Variants in GPR157 observed in about 807,000 individuals in gnomAD.
The protein encoded by GPR157 is G-protein coupled receptor 157.
Under a neutral mutation model 23.5 loss-of-function variants are expected in GPR157, and 16 were observed. That is an observed-to-expected ratio of 0.68 (90% CI 0.46 to 1.04). The LOEUF (loss-of-function observed/expected upper bound fraction) is 1.04. Ranked by LOEUF, GPR157 falls within the 50% of genes least tolerant of loss-of-function variation. GPR157 has a pLI of 0.00. For missense variants in GPR157, 440 were observed against 460.7 expected (o/e 0.96, Z 0.41); for synonymous variants, 200 against 221.5 (o/e 0.90, Z 0.86).
At position 9,104,142 on chromosome 1, in the gene GPR157, C is replaced by A. The variant is rs1235063457; in HGVS notation, c.*277G>T. The A allele has an allele frequency of 2.3e-6, 1 of 441,420 alleles. No individual in the cohort carries two copies. Among genetic ancestry groups the A allele is most frequent in the East Asian group, 4.0e-5 (1 of 25,092 alleles). The allele number at this position is 441,420 out of a possible 1,614,324, so 27.3% of individuals were successfully genotyped here. A position where few individuals can be genotyped will look rare whatever the true frequency, so the allele number is the denominator to read the frequency against. ...CTGGGTGGGGGCACTGTGGCCACAG[C>A]TGTGGGCCACCGGCTTCCCGAATCT... On this transcript the variant is annotated 3_prime_UTR_variant, in exon 4 of 4. Transcript: ENST00000377411.
In GPR157 at chr1:9,105,728, G is replaced by T; in HGVS notation, c.598-48C>A. The T allele has an allele frequency of 1.3e-6, 2 of 1,505,420 alleles. No individual in the cohort carries two copies. Among genetic ancestry groups the T allele is most frequent in the Non-Finnish European group, 1.8e-6 (2 of 1,111,146 alleles). 93.3% of individuals were successfully genotyped at this position (1,505,420 alleles called of 1,614,324 possible). ...GACTTGAGTGGATAGGCACCCTCCC[G>T]CCACGTCCACCCAGGCTGCCCAGGT... On this transcript the variant is annotated intron_variant, in intron 2 of 3. Coordinates refer to ENST00000377411, the MANE Select transcript of GPR157 (RefSeq NM_024980.5). The surrounding 1 kb of genome is among the most constrained non-coding windows in gnomAD (Gnocchi z 4.8).
Position 9,128,953 on chromosome 1 carries a change from G to T in GPR157, c.75C>A (p.Ser25=). The T allele has an allele frequency of 4.7e-6, 7 of 1,500,674 alleles. No individual in the cohort carries two copies. Among genetic ancestry groups the T allele is most frequent in the Non-Finnish European group, 5.3e-6 (6 of 1,127,076 alleles). The allele number at this position is 1,500,674 out of a possible 1,614,324, so 93.0% of individuals were successfully genotyped here. A position where few individuals can be genotyped will look rare whatever the true frequency, so the allele number is the denominator to read the frequency against. ...CCACCAGCAGGCCCGAGCCGAGCGC[G>T]GAGAGTGCGCACGACAGCAGCACCA... The part of the protein sequence containing the change: ...RAVVLLSCAL[S]ALGSGLLVAT... Residue 25 remains serine (S), a synonymous_variant, in exon 1 of 4, where the codon TCC becomes TCA. Coordinates refer to ENST00000377411, the MANE Select transcript of GPR157 (RefSeq NM_024980.5). This position sits in a 1 kb window ranked among gnomAD's most constrained non-coding sequence, Gnocchi z 6.3.
rs1557703133 is a variant in GPR157 at position 9,128,610 on chromosome 1, G to A, written c.383+35C>T. ...GACCGGGAGGGGTCGGCCTGTGTCG[G>A]GGGCTCCTGGAAAAGCAGCGCCACC... On this transcript the variant is annotated intron_variant, in intron 1 of 3. Transcript: ENST00000377411. The surrounding 1 kb of genome is among the most constrained non-coding windows in gnomAD (Gnocchi z 6.3). 3.1e-6 allele frequency: 5 copies of A among 1,602,286 alleles called. No individual in the cohort carries two copies. The highest frequency in any genetic ancestry group is 4.3e-6 in the Non-Finnish European group (5 of 1,172,052).
chr1:9,111,316 GGCA>G lies in GPR157; in HGVS notation c.554_556del (p.Leu185del). The G allele has an allele frequency of 6.2e-7, 1 of 1,614,230 alleles. No homozygotes were observed. The highest frequency in any genetic ancestry group is 2.2e-5 in the East Asian group (1 of 44,884). ...CTTCCGGACCAGGAGGTACAGCAGA[GGCA>G]GCAGCACATATGCCAGCATCTCCCA... On this transcript the variant is annotated inframe_deletion, in exon 2 of 4. Coordinates refer to ENST00000377411, the MANE Select transcript of GPR157 (RefSeq NM_024980.5).
chr1:9,109,952 G>A (rs1421060151), intron 2 of GPR157, among the ~76,000 whole-genome samples: 2 of 152,032 alleles, frequency 1.3e-5, no homozygotes, highest in Non-Finnish European at 2.9e-5. Context: ...TACAAGATGG[G>A]TACACACCCT....
Position 9,101,833 on chromosome 1 carries a change from G to A in GPR157, c.*2586C>T, listed in dbSNP as rs1642569901. ...GCTCCAGAGGCCCCTGCTGAGCAGGGTTGATCCTAACACTATTCCTCTGTG... is the reference window on the plus strand; with the variant it reads ...GCTCCAGAGGCCCCTGCTGAGCAGGATTGATCCTAACACTATTCCTCTGTG... On this transcript the variant is annotated 3_prime_UTR_variant, in exon 4 of 4. Coordinates refer to ENST00000377411, the MANE Select transcript of GPR157 (RefSeq NM_024980.5). 1 of 152,190 alleles carries A rather than the reference G, an allele frequency of 6.6e-6. No individual in the cohort carries two copies. Among genetic ancestry groups the A allele is most frequent in the African/African-American group, 2.4e-5 (1 of 41,452 alleles). The allele number at this position is 152,190 out of a possible 1,614,324, so 9.4% of individuals were successfully genotyped here. A position where few individuals can be genotyped will look rare whatever the true frequency, so the allele number is the denominator to read the frequency against.
chr1:9,103,847 C>G lies in GPR157; in HGVS notation c.*572G>C, dbSNP rs1225530368. On this transcript the variant is annotated 3_prime_UTR_variant, in exon 4 of 4. Transcript: ENST00000377411. ...GAGCAGCTGCGCCGGGCTGTGCTTG[C>G]CCCTGGTGGTCACCATGCAACCTCA... 3 of 152,850 alleles carry G rather than the reference C, an allele frequency of 2.0e-5. No individual in the cohort carries two copies. Among genetic ancestry groups the G allele is most frequent in the Non-Finnish European group, 4.4e-5 (3 of 68,512 alleles). 9.5% of individuals were successfully genotyped at this position (152,850 alleles called of 1,614,324 possible). A position where few individuals can be genotyped will look rare whatever the true frequency, so the allele number is the denominator to read the frequency against.
Position 9,128,872 on chromosome 1 carries a change from G to A in GPR157, c.156C>T (p.Phe52=), listed in dbSNP as rs1450096762. 5 of 1,574,568 alleles carry A rather than the reference G, an allele frequency of 3.2e-6. No individual in the cohort carries two copies. Among genetic ancestry groups the A allele is most frequent in the African/African-American group, 1.4e-5 (1 of 74,040 alleles). Residue 52 remains phenylalanine (F), a synonymous_variant, in exon 1 of 4, where the codon TTC becomes TTT. Coordinates refer to ENST00000377411, the MANE Select transcript of GPR157 (RefSeq NM_024980.5). The surrounding 1 kb of genome is among the most constrained non-coding windows in gnomAD (Gnocchi z 6.3). ...CCGAGAGCAGGTCGGCCAGCGACAG[G>A]AAGAGCAGCAGGCGCCGTGCCCGGC... ...LRSRARRLLL[F]LSLADLLSAA... is the part of the protein sequence containing the mutation.
intron 2 of GPR157, among the ~76,000 whole-genome samples, chr1:9,110,646 C>T (rs144730123): frequency 5.9e-5 from 9 of 152,304 alleles, no homozygotes; most frequent in African/African-American, 2.2e-4. Flanking sequence ...GCCCCTAGTT[C>T]CACATGTGCA....
chr1:9,119,599 G>A (rs1000009881), intron 1 of GPR157, among the ~76,000 whole-genome samples: 5 of 152,240 alleles, frequency 3.3e-5, no homozygotes, highest in African/African-American at 7.2e-5. Context: ...CAGACTAGGC[G>A]GGAGAGACAT....
intron 1 of GPR157, among the ~76,000 whole-genome samples, chr1:9,112,350 G>T (rs1443801462): frequency 1.3e-5 from 2 of 152,220 alleles, no homozygotes; most frequent in African/African-American, 4.8e-5. Flanking sequence ...CTTTGGCCTT[G>T]AGGACTTCTT....
rs545886220 is a variant in GPR157 at position 9,122,873 on chromosome 1, A to T, written c.383+5772T>A. Among the ~76,000 whole-genome samples the T allele has an allele frequency of 2.0e-5, 3 of 152,092 alleles. No individual in the cohort carries two copies. The South Asian group carries it at 6.2e-4, about 32-fold the overall frequency. On this transcript the variant is annotated intron_variant, in intron 1 of 3. Coordinates refer to ENST00000377411, the MANE Select transcript of GPR157 (RefSeq NM_024980.5). ...TAGTCCACGGACAAAAATCTCAATA[A>T]AGGCCAGCTGCGGTGGCTCACACCT...
intron 2 of GPR157, chr1:9,111,043 G>T: frequency 3.4e-6 from 2 of 590,460 alleles, no homozygotes; most frequent in Non-Finnish European, 6.2e-6. Flanking sequence ...ATCTACAAAG[G>T]AGTAACAGGA....
chr1:9,110,879 G>A (rs1462290603), intron 2 of GPR157, among the ~76,000 whole-genome samples: 2 of 151,730 alleles, frequency 1.3e-5, no homozygotes, highest in East Asian at 1.9e-4. Context: ...CCTTGGGTCT[G>A]TCCTCACCTT....
At chr1:9,127,149 G>A (rs893544547) in intron 1 of GPR157, among the ~76,000 whole-genome samples, 22 of 152,020 alleles carry the variant, frequency 1.4e-4, no homozygotes, top group African/African-American at 5.1e-4. Context: ...AAAGTGCTGG[G>A]ATTACGGGTA....
intron 2 of GPR157, among the ~76,000 whole-genome samples, chr1:9,109,963 C>A (rs138935428): frequency 6.6e-6 from 1 of 152,098 alleles, no homozygotes; most frequent in Non-Finnish European, 1.5e-5. Flanking sequence ...TACACACCCT[C>A]CTACAATTTC....
In GPR157 at chr1:9,105,783, G is replaced by A; in HGVS notation, c.598-103C>T. 2 of 953,166 alleles carry A rather than the reference G, an allele frequency of 2.1e-6. No individual in the cohort carries two copies. Among genetic ancestry groups the A allele is most frequent in the Non-Finnish European group, 3.1e-6 (2 of 637,862 alleles). 59.0% of individuals were successfully genotyped at this position (953,166 alleles called of 1,614,324 possible). The stretch of plus-strand genomic sequence containing the variant: ...CCAGGGACTTGAACTAGCTCAGGGA[G>A]GTAGGGGAGATGTGTGGTGGAGCCC... On this transcript the variant is annotated intron_variant, in intron 2 of 3. Coordinates refer to ENST00000377411, the MANE Select transcript of GPR157 (RefSeq NM_024980.5). The surrounding 1 kb of genome is among the most constrained non-coding windows in gnomAD (Gnocchi z 4.8).
Position 9,118,538 on chromosome 1 carries a change from G to A in GPR157, c.384-7049C>T, listed in dbSNP as rs1157310777. Among the ~76,000 whole-genome samples, 3 of 152,168 alleles carry A rather than the reference G, an allele frequency of 2.0e-5. No homozygotes were observed. The East Asian group carries it at 5.8e-4, about 29-fold the overall frequency. ...TTCCAACTTGTATTTGCCTAGAAAT[G>A]AAAGCCAGACTCCAAGTCGGCTTCC... On this transcript the variant is annotated intron_variant, in intron 1 of 3. Coordinates refer to ENST00000377411, the MANE Select transcript of GPR157 (RefSeq NM_024980.5). The surrounding 1 kb of genome is among the most constrained non-coding windows in gnomAD (Gnocchi z 4.6).
At chr1:9,107,129 C>A (rs544225046) in intron 2 of GPR157, among the ~76,000 whole-genome samples, 2 of 152,140 alleles carry the variant, frequency 1.3e-5, no homozygotes, top group Non-Finnish European at 2.9e-5. Context: ...TGCTTATCAT[C>A]GTCCTCCCCT....
Sources: gnomAD v4.1 joint callset for allele counts (sites outside exome capture counted in the v4.1 genomes callset) on GRCh38, gnomAD v4.1.1 for gene constraint, Gnocchi (gnomAD v3.1) non-coding constraint, MANE v1.5 for transcripts, NCBI Gene and HGNC (gene_info 2026-07-23, HGNC 2026-07-21) for gene names.